LHFPL6: variants seen among roughly 807,000 people sequenced by gnomAD.
LHFPL6 encodes the protein LHFPL tetraspan subfamily member 6.
LHFPL6 carries 9 observed loss-of-function variants against 20.6 expected under a neutral mutation model. That is an observed-to-expected ratio of 0.44 (90% confidence interval 0.26 to 0.76). The LOEUF (loss-of-function observed/expected upper bound fraction) is 0.76. LHFPL6 is among the 30% of genes least tolerant of loss of function. The pLI is 0.20. For synonymous variants in LHFPL6, 105 were observed against 98.7 expected, an observed-to-expected ratio of 1.06 and a Z score of -0.38; for missense variants, 218 against 253.5, an observed-to-expected ratio of 0.86 and a Z score of 0.95.
In LHFPL6 at chr13:39,454,628, C is replaced by CAAAAA. The variant is rs57933417; in HGVS notation, c.386-76107_386-76103dup. 2.9e-5 allele frequency among the ~76,000 whole-genome samples: 2 copies of CAAAAA among 68,584 alleles called. 1 individual carries two copies. The highest frequency in any genetic ancestry group is 9.0e-5 in the African/African-American group (2 of 22,216). 45.0% of individuals were successfully genotyped at this position (68,584 alleles called of 152,430 possible). A position where few individuals can be genotyped will look rare whatever the true frequency, so the allele number is the denominator to read the frequency against. On this transcript the variant is annotated intron_variant, in intron 2 of 3. Transcript: ENST00000379589. ...TGGGCGACAGAGCGAGACTCCGTCT[C>CAAAAA]AAAAAAAAAAAAAAAAAAAAAAAAA...
At chr13:39,368,843 A>C (rs1299492591) in intron 3 of LHFPL6, among the ~76,000 whole-genome samples, 37 of 152,220 alleles carry the variant, frequency 2.4e-4, no homozygotes, top group Admixed American at 2.4e-3. Context: ...TAAAATGGCA[A>C]CAGCATTCTA....
chr13:39,545,363 T>C (rs889398983), intron 2 of LHFPL6, among the ~76,000 whole-genome samples: 3 of 151,136 alleles, frequency 2.0e-5, no homozygotes, highest in Non-Finnish European at 2.9e-5. Context: ...CCTCCAGCCA[T>C]ACCATATTGT....
chr13:39,557,287 C>T (rs1871335611), intron 2 of LHFPL6, among the ~76,000 whole-genome samples: 1 of 152,228 alleles, frequency 6.6e-6, no homozygotes, highest in Admixed American at 6.5e-5. Flanking sequence ...CAGGACACCA[C>T]TTTAGACGGG....
At chr13:39,379,300 G>C (rs1870376661) in intron 2 of LHFPL6, among the ~76,000 whole-genome samples, 3 of 152,180 alleles carry the variant, frequency 2.0e-5, no homozygotes, top group African/African-American at 7.2e-5. Context: ...GAAGCTAAAC[G>C]AGATTTAAGC....
intron 2 of LHFPL6, among the ~76,000 whole-genome samples, chr13:39,465,652 A>G (rs187675191): frequency 1.3e-5 from 2 of 152,252 alleles, no homozygotes; most frequent in East Asian, 3.9e-4. Context: ...TGACTTAATC[A>G]TCTTGTCTGA....
At chr13:39,524,600 G>A (rs937186426) in intron 2 of LHFPL6, among the ~76,000 whole-genome samples, 1 of 152,172 alleles carries the variant, frequency 6.6e-6, no homozygotes, top group Non-Finnish European at 1.5e-5. Flanking sequence ...AAGGGAAGAG[G>A]TATCCGGTCA....
intron 2 of LHFPL6, among the ~76,000 whole-genome samples, chr13:39,543,625 T>G (rs56213801): frequency 0.069 from 6,851 of 99,136 alleles, 351 homozygotes; most frequent in South Asian, 0.19. Context: ...AGACAAAAAT[T>G]TTTACCAAAC....
chr13:39,492,750 C>T (rs547510662), intron 2 of LHFPL6, among the ~76,000 whole-genome samples: 207 of 152,114 alleles, frequency 1.4e-3, no homozygotes, highest in African/African-American at 4.8e-3. Flanking sequence ...CTGCAACCTC[C>T]GCTTACCTCA....
At chr13:39,583,222 G>A (rs1175697996) in intron 2 of LHFPL6, among the ~76,000 whole-genome samples, 1 of 139,224 alleles carries the variant, frequency 7.2e-6, no homozygotes, top group Non-Finnish European at 1.5e-5. Context: ...CACCCAGGCT[G>A]GAGTGCAGTG....
intron 2 of LHFPL6, among the ~76,000 whole-genome samples, chr13:39,564,412 A>T (rs1871646742): frequency 6.6e-6 from 1 of 152,198 alleles, no homozygotes; most frequent in African/African-American, 2.4e-5. Flanking sequence ...TATGATATCA[A>T]TACTGGGCCA....
intron 2 of LHFPL6, among the ~76,000 whole-genome samples, chr13:39,448,284 C>T (rs1199519196): frequency 6.6e-6 from 1 of 152,174 alleles, no homozygotes; most frequent in Admixed American, 6.5e-5. Flanking sequence ...TCCTACATAT[C>T]ATAATATAAT....
intron 2 of LHFPL6, among the ~76,000 whole-genome samples, chr13:39,546,873 A>T (rs1302697429): frequency 6.6e-6 from 1 of 152,024 alleles, no homozygotes; most frequent in Non-Finnish European, 1.5e-5. Flanking sequence ...CTGCACCTAA[A>T]TTGCAAATCT....
chr13:39,392,143 T>A (rs1388318113), intron 2 of LHFPL6, among the ~76,000 whole-genome samples: 1 of 152,194 alleles, frequency 6.6e-6, no homozygotes, highest in African/African-American at 2.4e-5. Context: ...TTTTTAATAT[T>A]AAAAGATATA....
chr13:39,375,445 C>T (rs78005279), intron 3 of LHFPL6, among the ~76,000 whole-genome samples: 19 of 152,052 alleles, frequency 1.2e-4, no homozygotes, highest in Non-Finnish European at 2.5e-4. Flanking sequence ...AATCCCAGCA[C>T]TTTGGGAGGC....
chr13:39,528,184 A>T (rs1011770378), intron 2 of LHFPL6, among the ~76,000 whole-genome samples: 1 of 152,128 alleles, frequency 6.6e-6, no homozygotes, highest in African/African-American at 2.4e-5. Flanking sequence ...CTCACTCTGG[A>T]TCTCAGCGCC....
intron 2 of LHFPL6, among the ~76,000 whole-genome samples, chr13:39,483,030 G>A (rs1048587710): frequency 2.6e-5 from 4 of 152,136 alleles, no homozygotes; most frequent in African/African-American, 9.7e-5. Context: ...GATGCTGTTG[G>A]TAAATTTTAT....
chr13:39,588,410 C>T (rs950882947), intron 2 of LHFPL6, among the ~76,000 whole-genome samples: 1 of 152,188 alleles, frequency 6.6e-6, no homozygotes, highest in African/African-American at 2.4e-5. Context: ...TTCTGTTGAC[C>T]ATTAATTCAA....
At chr13:39,490,797 T>C (rs1187391356) in intron 2 of LHFPL6, among the ~76,000 whole-genome samples, 1 of 152,214 alleles carries the variant, frequency 6.6e-6, no homozygotes, top group Admixed American at 6.5e-5. Context: ...TGCTACTTAT[T>C]TGGCTTTGGG....
intron 2 of LHFPL6, among the ~76,000 whole-genome samples, chr13:39,586,057 C>G (rs1049370597): frequency 2.4e-4 from 36 of 151,794 alleles, no homozygotes; most frequent in African/African-American, 8.7e-4. Context: ...CATCAGATCT[C>G]TAGACTAATA....
Sources: allele counts gnomAD v4.1 joint callset (sites outside exome capture counted in the v4.1 genomes callset), GRCh38; gene constraint gnomAD v4.1.1; transcripts MANE v1.5; gene names NCBI Gene and HGNC (gene_info 2026-07-23, HGNC 2026-07-21).